Variants in PARD3B observed in about 807,000 individuals in gnomAD.
PARD3B encodes partitioning defective 3 homolog B.
A neutral mutation model predicts 130.2 loss-of-function variants in PARD3B; 103 were observed. The observed-to-expected ratio is 0.79, with a 90% CI of 0.67 to 0.93. The LOEUF (loss-of-function observed/expected upper bound fraction) is 0.93. Ranked by LOEUF, PARD3B falls within the 40% of genes least tolerant of loss-of-function variation. The probability of loss-of-function intolerance (pLI) is 0.00; values close to 1 mark genes in which losing one functional copy is unlikely to be tolerated. For synonymous variants in PARD3B, 583 were observed against 553.2 expected, an observed-to-expected ratio of 1.05 and a Z score of -0.76; for missense variants, 1,609 against 1,499.2, an observed-to-expected ratio of 1.07 and a Z score of -1.21.
intron 18 of PARD3B, among the ~76,000 whole-genome samples, chr2:205,323,887 T>G (rs1159284906): frequency 2.0e-5 from 3 of 152,214 alleles, no homozygotes; most frequent in African/African-American, 7.2e-5. Flanking sequence ...TCCCATCAAG[T>G]GTAAACCAAA....
At chr2:204,998,775 G>A (rs1436374246) in intron 3 of PARD3B, among the ~76,000 whole-genome samples, 3 of 151,964 alleles carry the variant, frequency 2.0e-5, no homozygotes, top group East Asian at 3.9e-4. Flanking sequence ...GTGCAATGGC[G>A]CGATCTCGGC....
At chr2:205,102,462 C>A (rs1702850479) in intron 4 of PARD3B, among the ~76,000 whole-genome samples, 1 of 151,744 alleles carries the variant, frequency 6.6e-6, no homozygotes, top group Non-Finnish European at 1.5e-5. Context: ...AACCCTGTCT[C>A]CACTTATCTG....
chr2:205,286,479 C>T (rs2041401434), intron 16 of PARD3B, among the ~76,000 whole-genome samples: 2 of 152,142 alleles, frequency 1.3e-5, no homozygotes, highest in South Asian at 4.1e-4. Context: ...TTCCAAGTCC[C>T]CACTGAACAT....
chr2:205,101,664 G>A (rs1390884727), intron 4 of PARD3B, among the ~76,000 whole-genome samples: 1 of 152,162 alleles, frequency 6.6e-6, no homozygotes, highest in African/African-American at 2.4e-5. Context: ...TAAACTTAGT[G>A]TGGTATATCC....
In PARD3B at chr2:205,390,034, A is replaced by C. The variant is rs539542576; in HGVS notation, c.2631-10979A>C. Among the ~76,000 whole-genome samples the C allele has an allele frequency of 5.9e-5, 9 of 152,256 alleles. No individual in the cohort carries two copies. The South Asian group carries it at 1.9e-3, about 32-fold the overall frequency. ...TTGAGAGCTTTCACCTTTTAATAAC[A>C]GTTTCAAACTTAATATAGCTTATTA... On this transcript the variant is annotated intron_variant, in intron 18 of 22. Transcript: ENST00000406610.
intron 4 of PARD3B, among the ~76,000 whole-genome samples, chr2:205,069,501 T>TTTTCTCTTTG (rs1323976446): frequency 6.6e-6 from 1 of 152,168 alleles, no homozygotes; most frequent in Non-Finnish European, 1.5e-5. Context: ...CCCCACCTTT[T>TTTTCTCTTTG]TTCTCTTTGT....
Position 205,590,330 on chromosome 2 carries a change from C to T in PARD3B, c.3261-25126C>T, listed in dbSNP as rs529400340. ...TCATTGTTGGCTTTGCTCTCAGGCA[C>T]GCTCTTCCACCATGGTGGCAAGATG... On this transcript the variant is annotated intron_variant, in intron 22 of 22. Coordinates refer to ENST00000406610, the MANE Select transcript of PARD3B (RefSeq NM_001302769.2). The surrounding 1 kb of genome is among the most constrained non-coding windows in gnomAD (Gnocchi z 4.1). 1.9e-3 allele frequency among the ~76,000 whole-genome samples: 286 copies of T among 152,284 alleles called. 1 individual carries two copies. Among genetic ancestry groups the T allele is most frequent in the African/African-American group, 6.4e-3 (268 of 41,562 alleles).
At chr2:204,774,902 A>G (rs1188662551) in intron 2 of PARD3B, among the ~76,000 whole-genome samples, 1 of 152,106 alleles carries the variant, frequency 6.6e-6, no homozygotes, top group Admixed American at 6.6e-5. Context: ...TTCCAGTAAG[A>G]AATTGTGGCA....
At chr2:204,918,326 TTC>T (rs2047523299) in intron 2 of PARD3B, among the ~76,000 whole-genome samples, 1 of 152,236 alleles carries the variant, frequency 6.6e-6, no homozygotes, top group African/African-American at 2.4e-5. Flanking sequence ...GCTTTGAAAC[TTC>T]ACATTGAAAA....
intron 2 of PARD3B, among the ~76,000 whole-genome samples, chr2:204,837,479 G>A (rs2044087925): frequency 6.7e-6 from 1 of 149,908 alleles, no homozygotes; most frequent in Non-Finnish European, 1.5e-5. Context: ...GGAGTGCAGT[G>A]GTGCAATCTT....
intron 2 of PARD3B, among the ~76,000 whole-genome samples, chr2:204,814,643 A>C (rs972019938): frequency 6.6e-6 from 1 of 151,868 alleles, no homozygotes; most frequent in Non-Finnish European, 1.5e-5. Context: ...TTAGTTTCTG[A>C]TGTTAGGGTG....
intron 2 of PARD3B, among the ~76,000 whole-genome samples, chr2:204,724,989 C>T (rs914817179): frequency 1.4e-4 from 21 of 151,988 alleles, no homozygotes; most frequent in East Asian, 3.9e-4. Flanking sequence ...AATAGGGAAG[C>T]GGCTTAATGT....
At chr2:205,238,888 A>ATATATATAGATATATATATGTATGTG (rs2039214313) in intron 15 of PARD3B, among the ~76,000 whole-genome samples, 1 of 69,476 alleles carries the variant, frequency 1.4e-5, no homozygotes, top group African/African-American at 7.5e-5. Context: ...GTATGTGTGT[A>ATATATATAGATATATATATGTATGTG]TATATATATA....
At chr2:205,349,765 C>T (rs1406450913) in intron 18 of PARD3B, among the ~76,000 whole-genome samples, 1 of 142,962 alleles carries the variant, frequency 7.0e-6, no homozygotes, top group African/African-American at 2.6e-5. Flanking sequence ...ATATGTTAGC[C>T]AAAAAAGGAA....
At chr2:205,038,155 G>A (rs946762737) in intron 3 of PARD3B, among the ~76,000 whole-genome samples, 7 of 152,148 alleles carry the variant, frequency 4.6e-5, no homozygotes, top group African/African-American at 1.4e-4. Context: ...TGTAGTATAA[G>A]ATATAATTAG....
chr2:205,169,930 C>CTTTTTTTTT (rs200935015), intron 11 of PARD3B, among the ~76,000 whole-genome samples: 2 of 126,640 alleles, frequency 1.6e-5, no homozygotes. Context: ...TTCCCCCCAC[C>CTTTTTTTTT]CTTTTTTTTT....
rs1009212776 is a variant in PARD3B at position 205,265,400 on chromosome 2, T to A, written c.2185+19578T>A. ...TACTTTTGAAATTAATGTGAAGGGC[T>A]CTGTAGCTTCTTTTTCTTCCTTGGG... On this transcript the variant is annotated intron_variant, in intron 16 of 22. Transcript: ENST00000406610. The surrounding 1 kb of genome is among the most constrained non-coding windows in gnomAD (Gnocchi z 4.3). Among the ~76,000 whole-genome samples the A allele has an allele frequency of 6.6e-6, 1 of 152,050 alleles. No individual in the cohort carries two copies. Among genetic ancestry groups the A allele is most frequent in the Non-Finnish European group, 1.5e-5 (1 of 67,940 alleles).
At chr2:205,065,857 C>T (rs988968068) in intron 4 of PARD3B, among the ~76,000 whole-genome samples, 9 of 152,116 alleles carry the variant, frequency 5.9e-5, no homozygotes, top group African/African-American at 2.2e-4. Context: ...TGCAGAACCA[C>T]ATGCTAAATA....
At chr2:204,717,544 G>A (rs950070662) in intron 2 of PARD3B, among the ~76,000 whole-genome samples, 1 of 152,122 alleles carries the variant, frequency 6.6e-6, no homozygotes, top group Admixed American at 6.5e-5. Flanking sequence ...AGTTGGTGGT[G>A]GCCTGGAGAG....
Sources: gnomAD v4.1 joint callset for allele counts (sites outside exome capture counted in the v4.1 genomes callset) on GRCh38, gnomAD v4.1.1 for gene constraint, Gnocchi (gnomAD v3.1) non-coding constraint, MANE v1.5 for transcripts, NCBI Gene and HGNC (gene_info 2026-07-23, HGNC 2026-07-21) for gene names.